The following POLN variants were observed in gnomAD, a reference collection of about 807,000 sequenced individuals.
POLN encodes the protein DNA polymerase nu, also known as DNA polymerase N.
A neutral mutation model predicts 113.5 loss-of-function variants in POLN; 108 were observed. The observed-to-expected ratio is 0.95, with a 90% confidence interval of 0.81 to 1.12. The LOEUF is 1.12. Among genes scored for constraint, POLN ranks in the 50% most tolerant of loss-of-function variants. The probability of loss-of-function intolerance (pLI) is 0.00; values close to 1 mark genes in which losing one functional copy is unlikely to be tolerated. For synonymous variants in POLN, 386 were observed against 391.5 expected, an observed-to-expected ratio of 0.99 and a Z score of 0.17; for missense variants, 1,097 against 1,077.1, an observed-to-expected ratio of 1.02 and a Z score of -0.26.
At chr4:2,222,400 A>C (rs79534737) in intron 3 of POLN, among the ~76,000 whole-genome samples, 2,873 of 152,194 alleles carry the variant, frequency 0.019, 66 homozygotes, top group African/African-American at 0.055. Context: ...AACAAACAAA[A>C]AAAAAACTAG....
chr4:2,227,309 C>G (rs1489488089), intron 3 of POLN, among the ~76,000 whole-genome samples: 1 of 152,172 alleles, frequency 6.6e-6, no homozygotes. Flanking sequence ...AAACTGAATT[C>G]TGTCAACAAC....
intron 19 of POLN, among the ~76,000 whole-genome samples, chr4:2,108,369 CCTAAGTGTTGG>C (rs1383951391): frequency 6.6e-6 from 1 of 152,120 alleles, no homozygotes; most frequent in African/African-American, 2.4e-5. Flanking sequence ...ATAGCAGCAT[CCTAAGTGTTGG>C]CTGGTACTCA....
intron 23 of POLN, chr4:2,076,642 C>G (rs1730282985): frequency 6.6e-6 from 1 of 152,378 alleles, no homozygotes; most frequent in Non-Finnish European, 1.5e-5. Context: ...GCTGCCCGTC[C>G]TTGGCTGGCA....
intron 23 of POLN, among the ~76,000 whole-genome samples, chr4:2,075,830 C>T (rs1175628363): frequency 2.6e-5 from 4 of 152,152 alleles, no homozygotes; most frequent in Non-Finnish European, 4.4e-5. Context: ...TGGTTAGCTG[C>T]GAGGAAGCAG....
chr4:2,094,591 G>C (rs1002989104), intron 20 of POLN, among the ~76,000 whole-genome samples: 1 of 152,178 alleles, frequency 6.6e-6, no homozygotes, highest in African/African-American at 2.4e-5. Flanking sequence ...TACTGTGGTT[G>C]AGGAAGGTTG....
chr4:2,117,543 T>C (rs1731346549), intron 19 of POLN, among the ~76,000 whole-genome samples: 1 of 152,110 alleles, frequency 6.6e-6, no homozygotes, highest in Non-Finnish European at 1.5e-5. Flanking sequence ...ACTAATGAAC[T>C]AAGAAGGCAA....
chr4:2,121,329 G>A (rs1197547388), intron 19 of POLN, among the ~76,000 whole-genome samples: 1 of 151,832 alleles, frequency 6.6e-6, no homozygotes, highest in Non-Finnish European at 1.5e-5. Flanking sequence ...CAGCTACTCC[G>A]GAGGCTGAGG....
intron 16 of POLN, among the ~76,000 whole-genome samples, chr4:2,155,571 C>T (rs369445311): frequency 1.1e-4 from 16 of 152,114 alleles, no homozygotes; most frequent in African/African-American, 3.4e-4. Flanking sequence ...AGGGAACCCA[C>T]GGGACAGACA....
chr4:2,194,200 G>T (rs560811179), intron 6 of POLN, among the ~76,000 whole-genome samples: 1 of 152,174 alleles, frequency 6.6e-6, no homozygotes, highest in Non-Finnish European at 1.5e-5. Flanking sequence ...GCAATGCTGG[G>T]ATCTGAGACC....
chr4:2,128,088 A>G (rs2108724187), intron 19 of POLN, 25 bp downstream of exon 19: 3 of 1,409,030 alleles, frequency 2.1e-6, no homozygotes, highest in East Asian at 2.3e-5. Context: ...CAGATCTGAT[A>G]ATATTGTGAG....
At chr4:2,091,729 C>T (rs553037432) in intron 20 of POLN, among the ~76,000 whole-genome samples, 3 of 151,794 alleles carry the variant, frequency 2.0e-5, no homozygotes, top group Non-Finnish European at 4.4e-5. Context: ...TTCCCACAGA[C>T]GGCTAACCCT....
chr4:2,143,706 A>C (rs898501384), intron 16 of POLN, among the ~76,000 whole-genome samples: 2 of 152,216 alleles, frequency 1.3e-5, no homozygotes, highest in African/African-American at 4.8e-5. Flanking sequence ...AACTAGTAGT[A>C]CCCTGAAACA....
chr4:2,177,271 C>T, intron 8 of POLN: 1 of 479,490 alleles, frequency 2.1e-6, no homozygotes, highest in South Asian at 1.5e-5. Flanking sequence ...TAAATCTTCT[C>T]TGGCTCCCCA....
At chr4:2,223,112 A>G (rs1364962407) in intron 3 of POLN, among the ~76,000 whole-genome samples, 2 of 152,188 alleles carry the variant, frequency 1.3e-5, no homozygotes, top group Non-Finnish European at 2.9e-5. Context: ...GAAATGCCTC[A>G]GCCAATGCCA....
chr4:2,177,022 A>G (rs1560083267), intron 8 of POLN, among the ~76,000 whole-genome samples: 1 of 152,188 alleles, frequency 6.6e-6, no homozygotes, highest in Non-Finnish European at 1.5e-5. Context: ...CCAGTGGCTA[A>G]GTGCACACAC....
At position 2,126,392 on chromosome 4, in the gene POLN, C is replaced by A. The variant is rs1321435972; in HGVS notation, c.1982+1721G>T. 6.6e-6 allele frequency among the ~76,000 whole-genome samples: 1 copy of A among 152,170 alleles called. No individual in the cohort carries two copies. The highest frequency in any genetic ancestry group is 1.5e-5 in the Non-Finnish European group (1 of 68,032). On this transcript the variant is annotated intron_variant, in intron 19 of 25. Transcript: ENST00000511885. The surrounding 1 kb of genome is among the most constrained non-coding windows in gnomAD (Gnocchi z 4.6). ...ATTTTCTGATTCAAACGCAAGTTTGCGTTCTATACTATTCATTCATTTATT... is the reference window on the plus strand; with the variant it reads ...ATTTTCTGATTCAAACGCAAGTTTGAGTTCTATACTATTCATTCATTTATT...
intron 4 of POLN, among the ~76,000 whole-genome samples, chr4:2,211,298 T>TAAG (rs1258514660): frequency 1.4e-5 from 2 of 143,334 alleles, no homozygotes; most frequent in Non-Finnish European, 3.0e-5. Context: ...ATAATAATAA[T>TAAG]AAGAGGATTG....
chr4:2,153,665 G>A (rs578201690), intron 16 of POLN, among the ~76,000 whole-genome samples: 1 of 151,270 alleles, frequency 6.6e-6, no homozygotes, highest in Admixed American at 6.6e-5. Flanking sequence ...CTCACTGCAA[G>A]CTCTGCTCCC....
intron 3 of POLN, among the ~76,000 whole-genome samples, chr4:2,218,741 C>T (rs552436644): frequency 3.3e-5 from 5 of 152,120 alleles, no homozygotes; most frequent in Non-Finnish European, 7.4e-5. Context: ...ATGTGTTCAC[C>T]AAATCAATAA....
Sources: allele counts gnomAD v4.1 joint callset (sites outside exome capture counted in the v4.1 genomes callset), GRCh38; gene constraint gnomAD v4.1.1; non-coding constraint Gnocchi (gnomAD v3.1); transcripts MANE v1.5; gene names NCBI Gene and HGNC (gene_info 2026-07-23, HGNC 2026-07-21).